The following NRXN3 variants were observed in gnomAD, a reference collection of about 807,000 sequenced individuals.
NRXN3 encodes the protein neurexin 3, also known as neurexin III.
NRXN3 carries 32 observed loss-of-function variants against 137.6 expected under a neutral mutation model. The observed-to-expected ratio is 0.23, with a 90% CI of 0.18 to 0.31. The LOEUF (loss-of-function observed/expected upper bound fraction) is 0.31, where lower values mean the gene tolerates loss of function less well. NRXN3 is among the 10% of genes least tolerant of loss of function. The probability of loss-of-function intolerance (pLI) is 1.00; values close to 1 mark genes in which losing one functional copy is unlikely to be tolerated. For missense variants in NRXN3, 1,574 were observed against 2,062.5 expected (o/e 0.76, Z 4.59); for synonymous variants, 798 against 784.5 (o/e 1.02, Z -0.29).
rs186900608 is a variant in NRXN3, at chr14:79,298,198, A to G, written c.3263-169023A>G. 9.5e-3 allele frequency among the ~76,000 whole-genome samples: 1,443 copies of G among 152,098 alleles called. 8 individuals carry two copies. The highest frequency in any genetic ancestry group is 0.015 in the South Asian group (74 of 4,818). On this transcript the variant is annotated intron_variant, in intron 15 of 20. Transcript: ENST00000335750. ...AGCAGATTGATTTTATATCCATCAG[A>G]TTTTCTAAAAATGGGCTATAACTGG... is the stretch of plus-strand genomic sequence containing the variant.
At chr14:79,392,302 T>C (rs2094873976) in intron 15 of NRXN3, among the ~76,000 whole-genome samples, 1 of 152,214 alleles carries the variant, frequency 6.6e-6, no homozygotes, top group Non-Finnish European at 1.5e-5. Flanking sequence ...GCTTCATCCA[T>C]GTCCCTGCGA....
intron 15 of NRXN3, among the ~76,000 whole-genome samples, chr14:79,053,624 G>A (rs772772361): frequency 2.0e-4 from 4 of 20,074 alleles, no homozygotes; most frequent in East Asian, 1.3e-3. Flanking sequence ...GCTGTATGCC[G>A]TGTGTGTGTG....
At chr14:78,658,490 C>T (rs2097803126) in intron 6 of NRXN3, among the ~76,000 whole-genome samples, 2 of 152,040 alleles carry the variant, frequency 1.3e-5, no homozygotes, top group South Asian at 4.1e-4. Context: ...GCCAAAGAAC[C>T]ACTTACTGCT....
At chr14:78,442,954 G>A (rs978296445) in intron 4 of NRXN3, among the ~76,000 whole-genome samples, 1 of 152,192 alleles carries the variant, frequency 6.6e-6, no homozygotes, top group African/African-American at 2.4e-5. Context: ...AGAGGTGGTT[G>A]TTGAGATCCT....
At chr14:79,483,429 A>G (rs888655141) in intron 16 of NRXN3, among the ~76,000 whole-genome samples, 2 of 152,198 alleles carry the variant, frequency 1.3e-5, no homozygotes, top group African/African-American at 4.8e-5. Context: ...AAATTAGGCC[A>G]GTGGTGTCCC....
intron 16 of NRXN3, among the ~76,000 whole-genome samples, chr14:79,593,910 A>G (rs2097836109): frequency 6.6e-6 from 1 of 152,218 alleles, no homozygotes; most frequent in Non-Finnish European, 1.5e-5. Flanking sequence ...TAAAATGGTA[A>G]TAACCTCAGT....
intron 4 of NRXN3, among the ~76,000 whole-genome samples, chr14:78,528,112 A>G (rs748005313): frequency 3.3e-5 from 5 of 152,236 alleles, no homozygotes; most frequent in African/African-American, 1.2e-4. Flanking sequence ...GTTACAGATT[A>G]TCTTTTTCAA....
chr14:79,159,376 C>T (rs553922398), intron 15 of NRXN3, among the ~76,000 whole-genome samples: 3 of 151,908 alleles, frequency 2.0e-5, no homozygotes, highest in Admixed American at 2.0e-4. Flanking sequence ...TTCAGCTTAT[C>T]TGAGCACAGT....
intron 10 of NRXN3, among the ~76,000 whole-genome samples, chr14:78,831,302 C>T (rs2098981049): frequency 6.6e-6 from 1 of 152,002 alleles, no homozygotes; most frequent in Admixed American, 6.6e-5. Context: ...AACCCCAGCA[C>T]TTTGGGAGGT....
rs1435810982 is a variant in NRXN3, at chr14:79,745,569, A to G, written c.4014+47632A>G. Among the ~76,000 whole-genome samples, 4 of 152,298 alleles carry G rather than the reference A, an allele frequency of 2.6e-5. No individual in the cohort carries two copies. The South Asian group carries it at 6.2e-4, about 24-fold the overall frequency. On this transcript the variant is annotated intron_variant, in intron 19 of 20. Transcript: ENST00000335750. ...ATCCACGTCTCCTTCTCAATCCACA[A>G]GACATGATGGGTCTGCTGCAGTGTG...
At chr14:78,655,031 G>C (rs751879763) in intron 6 of NRXN3, among the ~76,000 whole-genome samples, 9 of 152,100 alleles carry the variant, frequency 5.9e-5, no homozygotes, top group Non-Finnish European at 1.0e-4. Context: ...AGGAATGATT[G>C]GAAGTTCCTC....
intron 2 of NRXN3, among the ~76,000 whole-genome samples, chr14:78,253,278 A>G (rs2068934817): frequency 6.6e-6 from 1 of 151,880 alleles, no homozygotes; most frequent in African/African-American, 2.4e-5. Flanking sequence ...AGTGTGGATC[A>G]TGTGGCCCTG....
At chr14:79,440,552 A>C (rs1361025883) in intron 15 of NRXN3, among the ~76,000 whole-genome samples, 1 of 152,160 alleles carries the variant, frequency 6.6e-6, no homozygotes, top group Non-Finnish European at 1.5e-5. Context: ...ATCTTTTCTG[A>C]TGAATTGATC....
chr14:79,784,950 A>C (rs774524259), intron 19 of NRXN3, among the ~76,000 whole-genome samples: 33 of 152,316 alleles, frequency 2.2e-4, no homozygotes, highest in Non-Finnish European at 4.6e-4. Flanking sequence ...TGCAAGACAG[A>C]AAAACTCTGC....
At chr14:79,005,091 TA>T (rs1190178762) in intron 15 of NRXN3, among the ~76,000 whole-genome samples, 1 of 152,206 alleles carries the variant, frequency 6.6e-6, no homozygotes, top group Non-Finnish European at 1.5e-5. Context: ...AGTTCTCCCA[TA>T]CCTTAAACCT....
chr14:78,854,303 T>A (rs2152497976), intron 10 of NRXN3, among the ~76,000 whole-genome samples: 1 of 152,334 alleles, frequency 6.6e-6, no homozygotes, highest in African/African-American at 2.4e-5. Flanking sequence ...TTTTGGGCCT[T>A]ACCTTGGCGG....
intron 15 of NRXN3, among the ~76,000 whole-genome samples, chr14:79,295,644 A>G (rs997580169): frequency 1.3e-5 from 2 of 152,164 alleles, no homozygotes; most frequent in Admixed American, 1.3e-4. Context: ...AAAGGGATGG[A>G]TGAATAAATG....
Position 79,818,729 on chromosome 14 carries a change from C to T in NRXN3, c.4093+13539C>T, listed in dbSNP as rs191564901. Among the ~76,000 whole-genome samples the T allele has an allele frequency of 1.4e-3, 207 of 152,302 alleles. 1 individual carries two copies. The highest frequency in any genetic ancestry group is 4.8e-3 in the African/African-American group (198 of 41,564). On this transcript the variant is annotated intron_variant, in intron 20 of 20. Coordinates refer to ENST00000335750, the MANE Select transcript of NRXN3 (RefSeq NM_001330195.2). ...TTTTAAAAGCCAAAACACACACACACTTTTTGTGGGTCTTTGAGTTTCCTA... is the reference window on the plus strand; with the variant it reads ...TTTTAAAAGCCAAAACACACACACATTTTTTGTGGGTCTTTGAGTTTCCTA...
intron 17 of NRXN3, among the ~76,000 whole-genome samples, chr14:79,687,190 T>TATAA (rs2098698785): frequency 6.6e-6 from 1 of 152,230 alleles, no homozygotes; most frequent in Non-Finnish European, 1.5e-5. Flanking sequence ...AAAGGCACTT[T>TATAA]ATAAATACAA....
Sources: gnomAD v4.1 joint callset for allele counts (sites outside exome capture counted in the v4.1 genomes callset) on GRCh38, gnomAD v4.1.1 for gene constraint, MANE v1.5 for transcripts, NCBI Gene and HGNC (gene_info 2026-07-23, HGNC 2026-07-21) for gene names.